MAPK10: variants seen among roughly 807,000 people sequenced by gnomAD.
The protein encoded by MAPK10 is mitogen-activated protein kinase 10.
Under a neutral mutation model 59.3 loss-of-function variants are expected in MAPK10, and 25 were observed. That is an observed-to-expected ratio of 0.42 (90% confidence interval 0.31 to 0.59). MAPK10 has a LOEUF of 0.59. MAPK10 is among the 20% of genes least tolerant of loss of function. The pLI is 0.15. For missense variants in MAPK10, 351 were observed against 568.9 expected (o/e 0.62, Z 3.90); for synonymous variants, 190 against 200.5 (o/e 0.95, Z 0.44).
chr4:86,289,429 CA>C (rs1417203387), intron 2 of MAPK10, among the ~76,000 whole-genome samples: 1 of 151,710 alleles, frequency 6.6e-6, no homozygotes. Context: ...AATGAAGAGG[CA>C]GAGAGCAACA....
chr4:86,376,740 C>T (rs867439454), intron 1 of MAPK10, among the ~76,000 whole-genome samples: 22 of 152,322 alleles, frequency 1.4e-4, no homozygotes, highest in African/African-American at 4.3e-4. Flanking sequence ...TTTCCCAAAG[C>T]TAAATCGAGT....
chr4:86,369,023 C>A (rs1197836100), intron 1 of MAPK10, among the ~76,000 whole-genome samples: 2 of 152,162 alleles, frequency 1.3e-5, no homozygotes, highest in African/African-American at 4.8e-5. Context: ...TTTACTCACA[C>A]TTCAATCCAT....
At chr4:86,455,286 C>T (rs527913610), upstream of MAPK10, among the ~76,000 whole-genome samples, 1 of 152,186 alleles carries the variant, frequency 6.6e-6, no homozygotes, top group East Asian at 1.9e-4. Context: ...TACCTCACAA[C>T]TCAATACTAA....
Position 86,213,192 on chromosome 4 carries a change from C to A in MAPK10, c.-6-18785G>T, listed in dbSNP as rs181051334. On this transcript the variant is annotated intron_variant, in intron 2 of 13. Transcript: ENST00000641462. Reference sequence around the variant, plus strand: ...ACAACATAACAAAACCTATAAGCCACCACAAAAGCAATGCTAAGGGAGAAA... The same window carrying A: ...ACAACATAACAAAACCTATAAGCCAACACAAAAGCAATGCTAAGGGAGAAA... Among the ~76,000 whole-genome samples the A allele has an allele frequency of 9.2e-5, 14 of 152,068 alleles. No homozygotes were observed. The East Asian group carries it at 2.3e-3, about 25-fold the overall frequency.
intron 12 of MAPK10, among the ~76,000 whole-genome samples, chr4:86,030,577 C>T (rs2038802052): frequency 6.6e-6 from 1 of 152,114 alleles, no homozygotes; most frequent in South Asian, 2.1e-4. Flanking sequence ...AAGTGATCCC[C>T]CAGCCTCAGC....
chr4:86,567,949 C>T (rs1424422919), intron 1 of MAPK10, among the ~76,000 whole-genome samples: 1 of 152,036 alleles, frequency 6.6e-6, no homozygotes. Flanking sequence ...CTAGCTAGAG[C>T]AATCAGGCAA....
At chr4:86,441,461 T>G (rs536737207) in intron 1 of MAPK10, among the ~76,000 whole-genome samples, 12 of 152,346 alleles carry the variant, frequency 7.9e-5, no homozygotes, top group African/African-American at 2.6e-4. Flanking sequence ...ATATGAACCT[T>G]TTAGCCACAA....
At chr4:86,360,160 T>C (rs1422002337), upstream of MAPK10, 7 of 985,694 alleles carry the variant, frequency 7.1e-6, no homozygotes, top group Non-Finnish European at 8.4e-6. Flanking sequence ...GGGAGGGGGA[T>C]GAGGGGGAAA....
intron 2 of MAPK10, among the ~76,000 whole-genome samples, chr4:86,275,952 T>C (rs1299920295): frequency 1.3e-5 from 2 of 152,090 alleles, no homozygotes; most frequent in Admixed American, 1.3e-4. Flanking sequence ...TGTACATGAA[T>C]AGCAGCCATG....
chr4:86,436,215 C>T (rs1310727012), intron 1 of MAPK10, among the ~76,000 whole-genome samples: 1 of 152,178 alleles, frequency 6.6e-6, no homozygotes, highest in Non-Finnish European at 1.5e-5. Context: ...GTAAAGGGCT[C>T]TGAGTAACTC....
chr4:86,455,814 G>T (rs1417364939), upstream of MAPK10, among the ~76,000 whole-genome samples: 4 of 152,150 alleles, frequency 2.6e-5, no homozygotes, highest in Non-Finnish European at 5.9e-5. Context: ...AGACTTAACA[G>T]ATATTTACAG....
At chr4:86,023,747 C>T (rs999424391) in intron 13 of MAPK10, among the ~76,000 whole-genome samples, 2 of 140,252 alleles carry the variant, frequency 1.4e-5, no homozygotes, top group Non-Finnish European at 3.1e-5. Context: ...TACAATTATA[C>T]TGAGGACTTA....
At chr4:86,558,251 G>A (rs1166555812) in intron 1 of MAPK10, among the ~76,000 whole-genome samples, 1 of 152,014 alleles carries the variant, frequency 6.6e-6, no homozygotes, top group Non-Finnish European at 1.5e-5. Context: ...ATAAATTCAA[G>A]AAAGTATATT....
At chr4:86,037,750 A>G (rs1025509429) in intron 11 of MAPK10, among the ~76,000 whole-genome samples, 26 of 152,234 alleles carry the variant, frequency 1.7e-4, no homozygotes, top group African/African-American at 6.3e-4. Context: ...GAGAATATAG[A>G]AACTGAGAAA....
At chr4:86,518,181 C>T (rs527701610) in intron 1 of MAPK10, among the ~76,000 whole-genome samples, 1 of 152,300 alleles carries the variant, frequency 6.6e-6, no homozygotes, top group African/African-American at 2.4e-5. Context: ...CTCCACTATA[C>T]CCGGCTAACC....
intron 3 of MAPK10, among the ~76,000 whole-genome samples, chr4:86,186,936 C>A (rs887479212): frequency 2.0e-5 from 3 of 151,974 alleles, no homozygotes; most frequent in African/African-American, 7.2e-5. Context: ...TCTTACTTTC[C>A]CTTCTAGGTT....
At chr4:86,060,192 G>A (rs2045465032) in intron 11 of MAPK10, among the ~76,000 whole-genome samples, 1 of 152,162 alleles carries the variant, frequency 6.6e-6, no homozygotes, top group Admixed American at 6.5e-5. Flanking sequence ...ATCATGAAGT[G>A]TTCTCTGACT....
At chr4:86,050,140 A>T (rs1382863562) in intron 11 of MAPK10, among the ~76,000 whole-genome samples, 1 of 151,792 alleles carries the variant, frequency 6.6e-6, no homozygotes, top group African/African-American at 2.4e-5. Flanking sequence ...TCACTTGGTA[A>T]CTCTTGCCCA....
intron 9 of MAPK10, among the ~76,000 whole-genome samples, chr4:86,078,082 T>C (rs773176691): frequency 6.6e-5 from 10 of 152,156 alleles, no homozygotes; most frequent in Admixed American, 5.2e-4. Context: ...AGATTCTGAG[T>C]CCACAGGTCT....
Sources: gnomAD v4.1 joint callset for allele counts (sites outside exome capture counted in the v4.1 genomes callset) on GRCh38, gnomAD v4.1.1 for gene constraint, MANE v1.5 for transcripts, NCBI Gene and HGNC (gene_info 2026-07-23, HGNC 2026-07-21) for gene names.